The following MAST4 variants were observed in gnomAD, a reference collection of about 807,000 sequenced individuals.
MAST4 encodes microtubule associated serine/threonine kinase family member 4.
A neutral mutation model predicts 162.7 loss-of-function variants in MAST4; 89 were observed. That is an observed-to-expected ratio of 0.55 (90% CI 0.46 to 0.65). The LOEUF is 0.65. MAST4 is among the 30% of genes least tolerant of loss of function. The pLI is 0.00. For synonymous variants in MAST4, 1,479 were observed against 1,361.1 expected, an observed-to-expected ratio of 1.09 and a Z score of -1.91; for missense variants, 3,153 against 3,374.0, an observed-to-expected ratio of 0.93 and a Z score of 1.62.
At chr5:66,618,680 C>A (rs966735681) in intron 1 of MAST4, among the ~76,000 whole-genome samples, 1 of 150,548 alleles carries the variant, frequency 6.6e-6, no homozygotes, top group African/African-American at 2.4e-5. Flanking sequence ...TTACCCTGAT[C>A]ACTTTTGAGT....
chr5:67,059,201 C>T (rs981920444), intron 5 of MAST4, among the ~76,000 whole-genome samples: 1 of 152,172 alleles, frequency 6.6e-6, no homozygotes, highest in Non-Finnish European at 1.5e-5. Context: ...CTGCCCTCTG[C>T]GATCTTGTAG....
At chr5:66,732,311 A>G (rs1751903824) in intron 1 of MAST4, among the ~76,000 whole-genome samples, 1 of 151,654 alleles carries the variant, frequency 6.6e-6, no homozygotes, top group Non-Finnish European at 1.5e-5. Context: ...CTCTCCCCCA[A>G]GCCTCATTTT....
chr5:66,986,004 G>C (rs138445047), intron 4 of MAST4, among the ~76,000 whole-genome samples: 205 of 152,236 alleles, frequency 1.3e-3, no homozygotes, highest in Non-Finnish European at 2.3e-3. Context: ...ATGATCCCAC[G>C]GTAGAGGCTG....
intron 1 of MAST4, among the ~76,000 whole-genome samples, chr5:66,712,002 C>A (rs1010644233): frequency 1.3e-5 from 2 of 152,104 alleles, no homozygotes; most frequent in African/African-American, 4.8e-5. Flanking sequence ...TTTAGGGGGG[C>A]CATTTTTCAG....
chr5:66,669,864 C>G (rs932498747), intron 1 of MAST4, among the ~76,000 whole-genome samples: 1 of 152,018 alleles, frequency 6.6e-6, no homozygotes, highest in African/African-American at 2.4e-5. Context: ...TTGAGGTAAG[C>G]CTTGAATGAA....
At chr5:67,111,770 CTT>C (rs1766275706) in intron 11 of MAST4, among the ~76,000 whole-genome samples, 1 of 152,134 alleles carries the variant, frequency 6.6e-6, no homozygotes, top group Non-Finnish European at 1.5e-5. Context: ...AGGAAATTAA[CTT>C]TTTACAGTAA....
chr5:67,022,394 T>C (rs1386921460), intron 4 of MAST4, among the ~76,000 whole-genome samples: 3 of 148,376 alleles, frequency 2.0e-5, no homozygotes, highest in Admixed American at 2.0e-4. Context: ...CAGTCTTGTG[T>C]TCCCTATTTT....
At position 67,163,638 on chromosome 5, in the gene MAST4, C is replaced by G; in HGVS notation, c.4459C>G (p.Gln1487Glu). The G allele has an allele frequency of 6.2e-7, 1 of 1,607,128 alleles. No homozygotes were observed. Among genetic ancestry groups the G allele is most frequent in the Non-Finnish European group, 8.5e-7 (1 of 1,177,368 alleles). ...GCAGTCCCAGCGGGAGGCGCCGCTGCAGAGCCTGGATGAGAACGTGTGCGA... is the reference window on the plus strand; with the variant it reads ...GCAGTCCCAGCGGGAGGCGCCGCTGGAGAGCCTGGATGAGAACGTGTGCGA... The part of the protein sequence containing the change: ...REQSQREAPL[Q>E]SLDENVCDVP... The change falls in exon 29 of 29, where the codon CAG (glutamine) becomes GAG (glutamate). Residue 1487 changes from glutamine (Q) to glutamate (E), a missense_variant. Coordinates refer to ENST00000403625, the MANE Select transcript of MAST4 (RefSeq NM_001164664.2). The surrounding 1 kb of genome is among the most constrained non-coding windows in gnomAD (Gnocchi z 7.0).
At chr5:66,739,081 C>G (rs1367211451) in intron 1 of MAST4, among the ~76,000 whole-genome samples, 1 of 152,144 alleles carries the variant, frequency 6.6e-6, no homozygotes. Context: ...AAGGCCATCA[C>G]TTAAATGCAT....
At chr5:67,122,868 T>G (rs916286927) in intron 14 of MAST4, among the ~76,000 whole-genome samples, 1 of 152,190 alleles carries the variant, frequency 6.6e-6, no homozygotes, top group East Asian at 1.9e-4. Flanking sequence ...TGTGAATCAG[T>G]AAACACCCAG....
chr5:66,812,592 A>G (rs528091524), intron 3 of MAST4, among the ~76,000 whole-genome samples: 1 of 152,354 alleles, frequency 6.6e-6, no homozygotes, highest in South Asian at 2.1e-4. Flanking sequence ...AAGCGGAAAA[A>G]TAGAAATGCT....
chr5:66,693,978 A>C (rs1749228870), intron 1 of MAST4, among the ~76,000 whole-genome samples: 1 of 152,202 alleles, frequency 6.6e-6, no homozygotes. Context: ...TTTTAGGCAA[A>C]GGGAATGGTA....
chr5:66,719,292 A>G (rs1483549145), intron 1 of MAST4, among the ~76,000 whole-genome samples: 1 of 152,202 alleles, frequency 6.6e-6, no homozygotes, highest in Non-Finnish European at 1.5e-5. Context: ...TTTGGAGGAA[A>G]TATAAACTAG....
chr5:66,846,516 A>G (rs977043988), intron 3 of MAST4, among the ~76,000 whole-genome samples: 3 of 152,190 alleles, frequency 2.0e-5, no homozygotes. Context: ...TTCCTGGTCT[A>G]TGGAGGTACA....
intron 1 of MAST4, among the ~76,000 whole-genome samples, chr5:66,756,653 C>G (rs752477810): frequency 1.3e-5 from 2 of 152,174 alleles, no homozygotes; most frequent in Non-Finnish European, 2.9e-5. Flanking sequence ...GAGTATTTGA[C>G]TCAGGACAAA....
At chr5:67,008,341 G>C (rs1436448976) in intron 4 of MAST4, among the ~76,000 whole-genome samples, 3 of 152,156 alleles carry the variant, frequency 2.0e-5, no homozygotes, top group African/African-American at 7.2e-5. Flanking sequence ...GAAATTAGTT[G>C]GCCTGCATTC....
intron 4 of MAST4, among the ~76,000 whole-genome samples, chr5:66,992,878 G>A (rs1260925362): frequency 6.6e-6 from 1 of 152,148 alleles, no homozygotes; most frequent in Non-Finnish European, 1.5e-5. Flanking sequence ...TGCAAACCTT[G>A]AGCACTGTTG....
intron 1 of MAST4, among the ~76,000 whole-genome samples, chr5:66,714,801 A>G (rs1331329456): frequency 2.0e-5 from 3 of 152,222 alleles, no homozygotes; most frequent in Non-Finnish European, 2.9e-5. Flanking sequence ...CTGGAGAAAC[A>G]GTCTGGTCTG....
intron 4 of MAST4, among the ~76,000 whole-genome samples, chr5:66,932,499 A>G (rs965908367): frequency 6.6e-6 from 1 of 152,216 alleles, no homozygotes; most frequent in Non-Finnish European, 1.5e-5. Context: ...AGGGAAAAGT[A>G]GAGAAAAAAC....
Sources: allele counts gnomAD v4.1 joint callset (sites outside exome capture counted in the v4.1 genomes callset), GRCh38; gene constraint gnomAD v4.1.1; non-coding constraint Gnocchi (gnomAD v3.1); transcripts MANE v1.5; gene names NCBI Gene and HGNC (gene_info 2026-07-23, HGNC 2026-07-21).